PRORP: variants seen among roughly 807,000 people sequenced by gnomAD.
PRORP encodes the protein protein only RNase P catalytic subunit, also known as mitochondrial ribonuclease P catalytic subunit.
Under a neutral mutation model 59.4 loss-of-function variants are expected in PRORP, and 51 were observed. That is an observed-to-expected ratio of 0.86 (90% CI 0.69 to 1.08). PRORP has a LOEUF of 1.08. Ranked by LOEUF, PRORP falls within the 50% of genes least tolerant of loss-of-function variation. The pLI is 0.00. For missense variants in PRORP, 646 were observed against 690.3 expected, an observed-to-expected ratio of 0.94 and a Z score of 0.72; for synonymous variants, 231 against 245.6, an observed-to-expected ratio of 0.94 and a Z score of 0.55.
chr14:35,207,890 G>A (rs919164836), intron 5 of PRORP, among the ~76,000 whole-genome samples: 3 of 152,082 alleles, frequency 2.0e-5, no homozygotes, highest in Admixed American at 6.5e-5. Flanking sequence ...GGTGGCTCAC[G>A]CCTGTAATCC....
At chr14:35,135,465 A>T (rs2047349466) in intron 4 of PRORP, among the ~76,000 whole-genome samples, 1 of 152,140 alleles carries the variant, frequency 6.6e-6, no homozygotes, top group African/African-American at 2.4e-5. Flanking sequence ...AATATTTACC[A>T]TTTGGCCCTT....
intron 5 of PRORP, among the ~76,000 whole-genome samples, chr14:35,237,373 A>C (rs1168999189): frequency 1.3e-5 from 2 of 151,864 alleles, no homozygotes; most frequent in South Asian, 4.2e-4. Flanking sequence ...GGTTACAGGC[A>C]TCAACCACTA....
intron 5 of PRORP, among the ~76,000 whole-genome samples, chr14:35,258,842 G>A (rs934258427): frequency 6.6e-6 from 1 of 152,170 alleles, no homozygotes; most frequent in African/African-American, 2.4e-5. Context: ...ACACAGTTTT[G>A]ATTACCATAG....
intron 5 of PRORP, among the ~76,000 whole-genome samples, chr14:35,227,193 C>T (rs964226419): frequency 2.0e-5 from 3 of 151,584 alleles, no homozygotes; most frequent in Non-Finnish European, 4.4e-5. Context: ...CCTGTAATCC[C>T]AGCACTTTGG....
At chr14:35,249,246 C>T (rs1330004241) in intron 5 of PRORP, among the ~76,000 whole-genome samples, 1 of 151,978 alleles carries the variant, frequency 6.6e-6, no homozygotes, top group Non-Finnish European at 1.5e-5. Flanking sequence ...AGTTCAAGCC[C>T]CAAATTACCA....
intron 5 of PRORP, among the ~76,000 whole-genome samples, chr14:35,262,214 G>A (rs956846363): frequency 1.3e-5 from 2 of 151,840 alleles, no homozygotes; most frequent in African/African-American, 2.4e-5. Context: ...GTCTTGCTGT[G>A]TTGCCCAGGC....
chr14:35,250,590 G>A (rs1211788406), intron 5 of PRORP, among the ~76,000 whole-genome samples: 1 of 152,214 alleles, frequency 6.6e-6, no homozygotes, highest in Non-Finnish European at 1.5e-5. Context: ...CTCAGATAAA[G>A]TGGAGCTTCT....
chr14:35,152,889 C>T (rs904970121), intron 4 of PRORP, among the ~76,000 whole-genome samples: 7 of 150,908 alleles, frequency 4.6e-5, no homozygotes, highest in Non-Finnish European at 1.0e-4. Flanking sequence ...TGGGAAGAGG[C>T]GCTCCTCACT....
intron 5 of PRORP, among the ~76,000 whole-genome samples, chr14:35,216,110 T>TTATATTTATATATAATATATAA (rs1357262776): frequency 2.7e-5 from 4 of 147,690 alleles, no homozygotes; most frequent in Admixed American, 1.4e-4. Context: ...ATGTATATAT[T>TTATATTTATATATAATATATAA]TATATTTATA....
chr14:35,127,623 A>G lies in PRORP; in HGVS notation c.1167+12A>G. 10 of 1,613,718 alleles carry G rather than the reference A, an allele frequency of 6.2e-6. No individual in the cohort carries two copies. Among genetic ancestry groups the G allele is most frequent in the Non-Finnish European group, 6.8e-6 (8 of 1,179,862 alleles). ...AGACAACACCTCAGGTGAGTCTAAC[A>G]AGTTTTATTTCTTCTTGGATTGCTT... is the stretch of plus-strand genomic sequence containing the variant. On this transcript the variant is annotated intron_variant, in intron 4 of 7. Coordinates refer to ENST00000534898, the MANE Select transcript of PRORP (RefSeq NM_014672.4).
intron 5 of PRORP, among the ~76,000 whole-genome samples, chr14:35,261,629 T>G (rs931887581): frequency 2.0e-5 from 3 of 151,946 alleles, no homozygotes; most frequent in Non-Finnish European, 2.9e-5. Flanking sequence ...CTCAGGAGAT[T>G]GAGGCAGGAG....
At chr14:35,152,673 A>T (rs2047796692) in intron 4 of PRORP, among the ~76,000 whole-genome samples, 2 of 150,656 alleles carry the variant, frequency 1.3e-5, no homozygotes, top group Non-Finnish European at 3.0e-5. Context: ...CACTTCCCAG[A>T]CGGGGCGGCT....
intron 5 of PRORP, among the ~76,000 whole-genome samples, chr14:35,238,624 T>A (rs1438014108): frequency 6.6e-6 from 1 of 152,212 alleles, no homozygotes; most frequent in Non-Finnish European, 1.5e-5. Context: ...CTGTTGTCAT[T>A]AAACCTCTTA....
intron 5 of PRORP, among the ~76,000 whole-genome samples, chr14:35,207,086 G>A (rs955319417): frequency 2.0e-5 from 3 of 151,678 alleles, no homozygotes; most frequent in African/African-American, 7.2e-5. Flanking sequence ...CAAGGTGGCT[G>A]TGTATCTTTT....
Position 35,276,807 on chromosome 14 carries a change from C to T in PRORP, c.*3241C>T, listed in dbSNP as rs1369323915. ...TATTTCTAAAATACTTTGTGCTTCCCCCTTGCATTCTGAATTTATACACTT... is the reference window on the plus strand; with the variant it reads ...TATTTCTAAAATACTTTGTGCTTCCTCCTTGCATTCTGAATTTATACACTT... On this transcript the variant is annotated 3_prime_UTR_variant, in exon 8 of 8. Transcript: ENST00000534898. 1 of 152,118 alleles carries T rather than the reference C, an allele frequency of 6.6e-6. No homozygotes were observed. The highest frequency in any genetic ancestry group is 2.4e-5 in the African/African-American group (1 of 41,436). 9.4% of individuals were successfully genotyped at this position (152,118 alleles called of 1,614,324 possible). A position where few individuals can be genotyped will look rare whatever the true frequency, so the allele number is the denominator to read the frequency against.
At chr14:35,153,877 C>T (rs1047060224) in intron 4 of PRORP, among the ~76,000 whole-genome samples, 4 of 152,126 alleles carry the variant, frequency 2.6e-5, no homozygotes, top group Non-Finnish European at 5.9e-5. Flanking sequence ...AATTCTGTTT[C>T]TTAACTAATT....
chr14:35,274,844 T>C lies in PRORP; in HGVS notation c.*1278T>C, dbSNP rs571100509. On this transcript the variant is annotated 3_prime_UTR_variant, in exon 8 of 8. Transcript: ENST00000534898. ...CAATTTTTTTCCACTTAATCAAGTTTGACTTAATTTAACAAAGTGATTATA... is the reference window on the plus strand; with the variant it reads ...CAATTTTTTTCCACTTAATCAAGTTCGACTTAATTTAACAAAGTGATTATA... 1 of 152,234 alleles carries C rather than the reference T, an allele frequency of 6.6e-6. No individual in the cohort carries two copies. The highest frequency in any genetic ancestry group is 1.5e-5 in the Non-Finnish European group (1 of 68,038). The allele number at this position is 152,234 out of a possible 1,614,324, so 9.4% of individuals were successfully genotyped here. A position where few individuals can be genotyped will look rare whatever the true frequency, so the allele number is the denominator to read the frequency against.
intron 5 of PRORP, among the ~76,000 whole-genome samples, chr14:35,182,422 A>G (rs937963111): frequency 3.3e-5 from 5 of 152,208 alleles, no homozygotes; most frequent in African/African-American, 1.2e-4. Context: ...AGGCGGGTGG[A>G]TCACCTGAGG....
chr14:35,248,203 A>G (rs2050530610), intron 5 of PRORP, among the ~76,000 whole-genome samples: 1 of 152,258 alleles, frequency 6.6e-6, no homozygotes, highest in African/African-American at 2.4e-5. Flanking sequence ...CATTTATGAC[A>G]TTATAATGAA....
Sources: gnomAD v4.1 joint callset for allele counts (sites outside exome capture counted in the v4.1 genomes callset) on GRCh38, gnomAD v4.1.1 for gene constraint, MANE v1.5 for transcripts, NCBI Gene and HGNC (gene_info 2026-07-23, HGNC 2026-07-21) for gene names.